The following ANP32A variants were observed in gnomAD, a reference collection of about 807,000 sequenced individuals.
ANP32A encodes acidic leucine-rich nuclear phosphoprotein 32 family member A.
A neutral mutation model predicts 33.9 loss-of-function variants in ANP32A; 1 was observed. The observed-to-expected ratio is 0.03, with a 90% confidence interval of 0.01 to 0.14. The LOEUF (loss-of-function observed/expected upper bound fraction) is 0.14, where lower values mean the gene tolerates loss of function less well. ANP32A is among the 10% of genes least tolerant of loss of function. The pLI, the probability that ANP32A is intolerant of heterozygous loss-of-function variation, is 1.00. For missense variants in ANP32A, 155 were observed against 306.0 expected (o/e 0.51, Z 3.68); for synonymous variants, 115 against 120.5 (o/e 0.95, Z 0.30).
chr15:68,813,283 T>C (rs1038722490), intron 1 of ANP32A, among the ~76,000 whole-genome samples: 3 of 152,192 alleles, frequency 2.0e-5, no homozygotes, highest in Non-Finnish European at 2.9e-5. Flanking sequence ...TTATCTTCCT[T>C]AGAGTCTGTA....
chr15:68,802,423 A>C (rs1343338646), intron 1 of ANP32A, among the ~76,000 whole-genome samples: 1 of 151,290 alleles, frequency 6.6e-6, no homozygotes, highest in Non-Finnish European at 1.5e-5. Context: ...GTACATAAAA[A>C]CCCTCTTCGT....
intron 1 of ANP32A, among the ~76,000 whole-genome samples, chr15:68,818,802 C>A (rs1001831952): frequency 4.1e-4 from 62 of 151,974 alleles, no homozygotes; most frequent in African/African-American, 1.5e-3. Context: ...CCGGAAAGTA[C>A]GCGGGAAGAC....
intron 1 of ANP32A, among the ~76,000 whole-genome samples, chr15:68,820,280 T>A (rs1894454386): frequency 6.6e-6 from 1 of 152,166 alleles, no homozygotes; most frequent in Admixed American, 6.5e-5. Context: ...TTTTTTGTTG[T>A]TAAATCCAGG....
intron 1 of ANP32A, among the ~76,000 whole-genome samples, chr15:68,803,072 C>T (rs752898377): frequency 4.3e-4 from 65 of 152,252 alleles, no homozygotes; most frequent in Admixed American, 5.2e-4. Flanking sequence ...ATAAAGGTGT[C>T]TTTGACTTCT....
At chr15:68,810,953 G>A (rs184862629) in intron 1 of ANP32A, among the ~76,000 whole-genome samples, 16 of 151,734 alleles carry the variant, frequency 1.1e-4, no homozygotes, top group Admixed American at 3.3e-4. Flanking sequence ...CCAGCTACTC[G>A]GGAGGCTGAG....
intron 1 of ANP32A, among the ~76,000 whole-genome samples, chr15:68,819,688 G>T (rs1894444058): frequency 6.6e-6 from 1 of 152,230 alleles, no homozygotes; most frequent in Non-Finnish European, 1.5e-5. Flanking sequence ...TCGAGCTGGG[G>T]GGCACCAGGG....
chr15:68,809,076 T>A (rs1041590870), intron 1 of ANP32A, among the ~76,000 whole-genome samples: 2 of 152,126 alleles, frequency 1.3e-5, no homozygotes. Context: ...TCTCAGGACA[T>A]GGGCAGAGAG....
chr15:68,817,930 C>G (rs1894408071), intron 1 of ANP32A, among the ~76,000 whole-genome samples: 1 of 152,196 alleles, frequency 6.6e-6, no homozygotes, highest in South Asian at 2.1e-4. Flanking sequence ...GGCAGCCCGG[C>G]GCCCGGCAGT....
chr15:68,781,361 CA>C, intron 5 of ANP32A: 1 of 150,952 alleles, frequency 6.6e-6, no homozygotes, highest in African/African-American at 2.4e-5. Context: ...AAACAAAAAA[CA>C]AAATCCACAA....
At chr15:68,783,805 C>T (rs1893899245) in intron 4 of ANP32A, among the ~76,000 whole-genome samples, 1 of 152,178 alleles carries the variant, frequency 6.6e-6, no homozygotes, top group Non-Finnish European at 1.5e-5. Flanking sequence ...TCCTCCACTT[C>T]TGAGCACCTG....
intron 1 of ANP32A, among the ~76,000 whole-genome samples, chr15:68,814,457 A>G (rs190990750): frequency 2.1e-4 from 31 of 149,828 alleles, no homozygotes; most frequent in African/African-American, 7.5e-4. Flanking sequence ...TGGGGAAAGA[A>G]AAAAAAAAAG....
rs947117886 is a variant in ANP32A, at chr15:68,780,015, G to GA, written c.*65_*66insT. 15 of 1,434,592 alleles carry GA rather than the reference G, an allele frequency of 1.0e-5. 1 individual carries two copies. In the Middle Eastern group the frequency reaches 6.0e-4, roughly 58 times the overall value. 88.9% of individuals were successfully genotyped at this position (1,434,592 alleles called of 1,614,324 possible). ...TCAGGGGGCAGGATTGGAGGGGGGG[G>GA]GGAGAGGGGATATGGGTAAAAACAG... is the stretch of plus-strand genomic sequence containing the variant. On this transcript the variant is annotated 3_prime_UTR_variant, in exon 7 of 7. Transcript: ENST00000465139. The surrounding 1 kb of genome is among the most constrained non-coding windows in gnomAD (Gnocchi z 4.3).
intron 1 of ANP32A, among the ~76,000 whole-genome samples, chr15:68,818,534 C>T (rs1894422190): frequency 6.6e-6 from 1 of 152,136 alleles, no homozygotes; most frequent in East Asian, 1.9e-4. Context: ...AGGCAGGGGG[C>T]AGGCGTGTGG....
Position 68,820,722 on chromosome 15 carries a change from C to G in ANP32A, c.30G>C (p.Glu10Asp). 1 of 1,613,580 alleles carries G rather than the reference C, an allele frequency of 6.2e-7. No homozygotes were observed. Among genetic ancestry groups the G allele is most frequent in the Non-Finnish European group, 8.5e-7 (1 of 1,179,862 alleles). The change falls in exon 1 of 7, where the codon GAG becomes GAC. Residue 10 changes from glutamate (E) to aspartate (D), a missense_variant. By Grantham distance (45) the Glu-to-Asp change is conservative (BLOSUM62 2). Coordinates refer to ENST00000465139, the MANE Select transcript of ANP32A (RefSeq NM_006305.4). ...CATCAGAGGGCGTCCTGTTCCGCAGCTCTAAATGAATCCGTCTGCCCATCT... is the reference window on the plus strand; with the variant it reads ...CATCAGAGGGCGTCCTGTTCCGCAGGTCTAAATGAATCCGTCTGCCCATCT... MEMGRRIHL[E>D]LRNRTPSDVK...
intron 5 of ANP32A, among the ~76,000 whole-genome samples, chr15:68,782,480 T>C (rs1248341496): frequency 6.6e-6 from 1 of 152,152 alleles, no homozygotes; most frequent in South Asian, 2.1e-4. Flanking sequence ...AGCCAATCTC[T>C]TTAGGAAAAT....
At position 68,795,493 on chromosome 15, in the gene ANP32A, C is replaced by A. The variant is rs539498848; in HGVS notation, c.55-7574G>T. On this transcript the variant is annotated intron_variant, in intron 1 of 6. Coordinates refer to ENST00000465139, the MANE Select transcript of ANP32A (RefSeq NM_006305.4). The stretch of plus-strand genomic sequence containing the variant: ...CCCGGCTCATAGGCTAAGCCGCCGG[C>A]GCGGGGAGGGCCCGCATTAACATAA... 5.9e-5 allele frequency among the ~76,000 whole-genome samples: 9 copies of A among 152,324 alleles called. No homozygotes were observed. In the East Asian group the frequency reaches 1.7e-3, roughly 29 times the overall value.
At chr15:68,800,743 C>CAAAA (rs398070692) in intron 1 of ANP32A, among the ~76,000 whole-genome samples, 11 of 83,626 alleles carry the variant, frequency 1.3e-4, no homozygotes, top group Middle Eastern at 7.7e-3. Context: ...GACTCCGTCT[C>CAAAA]AAAAAAAAAA....
chr15:68,790,343 C>T (rs1205862022), intron 1 of ANP32A: 1 of 152,224 alleles, frequency 6.6e-6, no homozygotes, highest in African/African-American at 2.4e-5. Flanking sequence ...AAGTCGGTCT[C>T]CTTCCTGGAG....
intron 1 of ANP32A, among the ~76,000 whole-genome samples, chr15:68,802,541 T>C (rs1177292307): frequency 6.6e-6 from 1 of 152,224 alleles, no homozygotes; most frequent in Non-Finnish European, 1.5e-5. Context: ...TTTTGCAATA[T>C]CAATAAGCTT....
Sources: allele counts gnomAD v4.1 joint callset (sites outside exome capture counted in the v4.1 genomes callset), GRCh38; gene constraint gnomAD v4.1.1; non-coding constraint Gnocchi (gnomAD v3.1); transcripts MANE v1.5; gene names NCBI Gene and HGNC (gene_info 2026-07-23, HGNC 2026-07-21).